HLF: variants seen among roughly 807,000 people sequenced by gnomAD.
HLF encodes hepatic leukemia factor.
In HLF, 3 loss-of-function variants were observed where a neutral mutation model predicts 22.6. The ratio of observed to expected loss-of-function variants is 0.13; its 90% CI spans 0.06 to 0.34. The LOEUF is 0.34. Ranked by LOEUF, HLF falls within the 10% of genes least tolerant of loss-of-function variation. The pLI is 1.00. For synonymous variants in HLF, 151 were observed against 151.8 expected, an observed-to-expected ratio of 0.99 and a Z score of 0.04; for missense variants, 299 against 389.2, an observed-to-expected ratio of 0.77 and a Z score of 1.95.
At chr17:55,313,582 C>CATTGGG (rs1385891387) in intron 2 of HLF, among the ~76,000 whole-genome samples, 3 of 151,958 alleles carry the variant, frequency 2.0e-5, no homozygotes, top group African/African-American at 4.8e-5. Flanking sequence ...GGGGCATTGG[C>CATTGGG]ATTGGGTAGC....
At chr17:55,298,091 C>G (rs2081125896) in intron 2 of HLF, among the ~76,000 whole-genome samples, 1 of 152,082 alleles carries the variant, frequency 6.6e-6, no homozygotes. Flanking sequence ...TGAGTCCTGT[C>G]TACTCCCACC....
At chr17:55,308,136 G>A (rs1026279958) in intron 2 of HLF, among the ~76,000 whole-genome samples, 2 of 152,200 alleles carry the variant, frequency 1.3e-5, no homozygotes, top group Admixed American at 6.5e-5. Context: ...GGTTTGATAT[G>A]GAGATGTGAC....
rs549960587 is a variant in HLF at position 55,325,080 on chromosome 17, A to G, written c.*4201A>G. 4.9e-5 allele frequency: 10 copies of G among 202,894 alleles called. No homozygotes were observed. The South Asian group carries it at 1.9e-3, about 39-fold the overall frequency. The allele number at this position is 202,894 out of a possible 1,614,324, so 12.6% of individuals were successfully genotyped here. Reference sequence around the variant, plus strand: ...TTTTTCCTTTCTTTCATGTATTTTTATTAACAGTTGGCTAGCAATGGTATT... The same window carrying G: ...TTTTTCCTTTCTTTCATGTATTTTTGTTAACAGTTGGCTAGCAATGGTATT... On this transcript the variant is annotated 3_prime_UTR_variant, in exon 4 of 4. Coordinates refer to ENST00000226067, the MANE Select transcript of HLF (RefSeq NM_002126.5).
chr17:55,316,965 G>GTTTTTTTTT (rs35293604), intron 3 of HLF, among the ~76,000 whole-genome samples: 1 of 107,126 alleles, frequency 9.3e-6, no homozygotes, highest in Non-Finnish European at 1.8e-5. Context: ...TTTTTATGGT[G>GTTTTTTTTT]TTTTTTTTTT....
intron 2 of HLF, among the ~76,000 whole-genome samples, chr17:55,311,358 G>A (rs1178310341): frequency 1.3e-5 from 2 of 151,956 alleles, no homozygotes; most frequent in African/African-American, 4.8e-5. Context: ...AAAAAAATTA[G>A]CCGGGCGTGG....
intron 2 of HLF, among the ~76,000 whole-genome samples, chr17:55,291,888 T>C (rs2081066265): frequency 6.6e-6 from 1 of 152,228 alleles, no homozygotes; most frequent in Admixed American, 6.5e-5. Flanking sequence ...ACCCTTATAG[T>C]GGATGACTTT....
chr17:55,302,790 A>AT (rs1212137482), intron 2 of HLF, among the ~76,000 whole-genome samples: 1 of 152,206 alleles, frequency 6.6e-6, no homozygotes, highest in East Asian at 1.9e-4. Flanking sequence ...GGTGGTGCTG[A>AT]TTCAAGTGGC....
chr17:55,277,735 A>T (rs2080918791), intron 2 of HLF, among the ~76,000 whole-genome samples: 1 of 152,202 alleles, frequency 6.6e-6, no homozygotes, highest in African/African-American at 2.4e-5. Flanking sequence ...AAGAGTTGCC[A>T]TAACCCAATC....
chr17:55,284,069 ACT>A (rs2080978624), intron 2 of HLF: 2 of 151,982 alleles, frequency 1.3e-5, no homozygotes. Flanking sequence ...TAAGGTTTGA[ACT>A]CTTCAGATTT....
chr17:55,269,713 C>G (rs915707805), intron 2 of HLF, among the ~76,000 whole-genome samples: 9 of 151,798 alleles, frequency 5.9e-5, no homozygotes, highest in Non-Finnish European at 1.0e-4. Context: ...TTTGTGGAAG[C>G]AATTGTGATC....
At chr17:55,271,280 T>C (rs1311962393) in intron 2 of HLF, among the ~76,000 whole-genome samples, 5 of 152,264 alleles carry the variant, frequency 3.3e-5, no homozygotes, top group African/African-American at 1.2e-4. Flanking sequence ...TTATACACTT[T>C]AGTTAATAAA....
At chr17:55,282,323 G>A (rs1414366604) in intron 2 of HLF, among the ~76,000 whole-genome samples, 1 of 152,172 alleles carries the variant, frequency 6.6e-6, no homozygotes, top group Non-Finnish European at 1.5e-5. Context: ...GAACACAAGA[G>A]ATCTAATCTG....
At chr17:55,293,900 G>A (rs1264272777) in intron 2 of HLF, among the ~76,000 whole-genome samples, 1 of 152,180 alleles carries the variant, frequency 6.6e-6, no homozygotes, top group Non-Finnish European at 1.5e-5. Context: ...GAGGAGGAAA[G>A]GAGCAACATA....
rs879806015 is a variant in HLF at position 55,322,185 on chromosome 17, A to T, written c.*1306A>T. On this transcript the variant is annotated 3_prime_UTR_variant, in exon 4 of 4. Transcript: ENST00000226067. ...AGTGGACTTCTGAAAAATGAATGTA[A>T]AAGACACTGGTGTATCTCAGAAGGG... The T allele has an allele frequency of 5.0e-6, 1 of 201,660 alleles. No individual in the cohort carries two copies. Among genetic ancestry groups the T allele is most frequent in the Non-Finnish European group, 1.0e-5 (1 of 97,788 alleles). The allele number at this position is 201,660 out of a possible 1,614,324, so 12.5% of individuals were successfully genotyped here.
rs1055039303 is a variant in HLF at position 55,321,468 on chromosome 17, T to C, written c.*589T>C. ...GGTGATAATCGTCTTCAAATTAAAG[T>C]GCTGTTTAGATTTATTAGATCCCAT... On this transcript the variant is annotated 3_prime_UTR_variant, in exon 4 of 4. Transcript: ENST00000226067. 2.6e-5 allele frequency: 6 copies of C among 231,434 alleles called. No homozygotes were observed. Among genetic ancestry groups the C allele is most frequent in the Non-Finnish European group, 4.3e-5 (5 of 116,818 alleles). The allele number at this position is 231,434 out of a possible 1,614,324, so 14.3% of individuals were successfully genotyped here. A position where few individuals can be genotyped will look rare whatever the true frequency, so the allele number is the denominator to read the frequency against.
intron 2 of HLF, among the ~76,000 whole-genome samples, chr17:55,302,351 G>A (rs1376463772): frequency 6.6e-6 from 1 of 152,228 alleles, no homozygotes; most frequent in African/African-American, 2.4e-5. Flanking sequence ...GCCTTTGAGT[G>A]CTTAACTTAG....
At chr17:55,308,396 TTGTA>T (rs1904680574) in intron 2 of HLF, among the ~76,000 whole-genome samples, 1 of 152,320 alleles carries the variant, frequency 6.6e-6, no homozygotes, top group Non-Finnish European at 1.5e-5. Context: ...GCTAAGCACT[TTGTA>T]TGTATTATCT....
At chr17:55,278,249 A>AT (rs1486609287) in intron 2 of HLF, among the ~76,000 whole-genome samples, 3 of 152,232 alleles carry the variant, frequency 2.0e-5, no homozygotes, top group Non-Finnish European at 4.4e-5. Context: ...AGGGAGCTAC[A>AT]ACACTAAATC....
intron 2 of HLF, among the ~76,000 whole-genome samples, chr17:55,308,125 G>A (rs963427081): frequency 1.1e-4 from 16 of 152,162 alleles, no homozygotes; most frequent in Non-Finnish European, 2.4e-4. Flanking sequence ...AGCCTTGGGA[G>A]GGTTTGATAT....
Sources: gnomAD v4.1 joint callset for allele counts (sites outside exome capture counted in the v4.1 genomes callset) on GRCh38, gnomAD v4.1.1 for gene constraint, MANE v1.5 for transcripts, NCBI Gene and HGNC (gene_info 2026-07-23, HGNC 2026-07-21) for gene names.